Variants in CDH13 observed in about 807,000 individuals in gnomAD.
CDH13 encodes the protein cadherin-13.
A neutral mutation model predicts 63.8 loss-of-function variants in CDH13; 24 were observed. The ratio of observed to expected loss-of-function variants is 0.38; its 90% CI spans 0.27 to 0.53. The LOEUF (loss-of-function observed/expected upper bound fraction) is 0.53, where lower values mean the gene tolerates loss of function less well. Among genes scored for constraint, CDH13 ranks in the 20% least tolerant of loss-of-function variants. CDH13 has a pLI of 0.85. For missense variants in CDH13, 1,049 were observed against 903.1 expected, an observed-to-expected ratio of 1.16 and a Z score of -2.07; for synonymous variants, 503 against 355.3, an observed-to-expected ratio of 1.42 and a Z score of -4.67.
intron 4 of CDH13, among the ~76,000 whole-genome samples, chr16:83,214,107 C>T (rs1281826916): frequency 2.0e-5 from 3 of 152,078 alleles, no homozygotes; most frequent in Admixed American, 1.3e-4. Flanking sequence ...TCCCCTTCCA[C>T]ACCGTGGAAG....
intron 3 of CDH13, among the ~76,000 whole-genome samples, chr16:83,096,581 T>G (rs1378854090): frequency 6.6e-6 from 1 of 152,224 alleles, no homozygotes; most frequent in Middle Eastern, 3.2e-3. Flanking sequence ...GGACTGAGTA[T>G]CTCTGCTGAA....
intron 2 of CDH13, among the ~76,000 whole-genome samples, chr16:82,929,848 A>G (rs2042428942): frequency 6.6e-6 from 1 of 151,578 alleles, no homozygotes; most frequent in South Asian, 2.1e-4. Flanking sequence ...GAGACCAAGA[A>G]ACATACCTGT....
intron 10 of CDH13, among the ~76,000 whole-genome samples, chr16:83,737,277 A>G (rs1387692113): frequency 1.3e-5 from 2 of 152,218 alleles, no homozygotes; most frequent in Admixed American, 6.5e-5. Flanking sequence ...TGATATCTAC[A>G]TCACAACTGA....
At chr16:83,444,288 G>C (rs1371976063) in intron 6 of CDH13, among the ~76,000 whole-genome samples, 4 of 152,138 alleles carry the variant, frequency 2.6e-5, no homozygotes, top group African/African-American at 7.2e-5. Context: ...CTAGGTAACA[G>C]ATATGTTAAG....
intron 2 of CDH13, among the ~76,000 whole-genome samples, chr16:82,875,081 C>G (rs2040461115): frequency 6.6e-6 from 1 of 152,160 alleles, no homozygotes; most frequent in Admixed American, 6.5e-5. Flanking sequence ...GATTATGCTT[C>G]CAAGGTTTTG....
At chr16:83,036,524 C>T (rs1170728095) in intron 3 of CDH13, among the ~76,000 whole-genome samples, 2 of 152,088 alleles carry the variant, frequency 1.3e-5, no homozygotes, top group African/African-American at 4.8e-5. Context: ...AATGTTCACT[C>T]CCACAAATGC....
At chr16:83,298,462 A>C (rs1384776727) in intron 5 of CDH13, among the ~76,000 whole-genome samples, 2 of 152,136 alleles carry the variant, frequency 1.3e-5, no homozygotes, top group African/African-American at 4.8e-5. Flanking sequence ...CCTAGGCCCT[A>C]CCTCAAGCCT....
intron 3 of CDH13, among the ~76,000 whole-genome samples, chr16:83,093,980 T>C (rs1212023251): frequency 2.6e-5 from 4 of 152,174 alleles, no homozygotes; most frequent in African/African-American, 9.7e-5. Flanking sequence ...AAATGTTTCA[T>C]AGAAAAGGTG....
At chr16:83,377,029 C>A (rs1332686938) in intron 6 of CDH13, among the ~76,000 whole-genome samples, 1 of 152,050 alleles carries the variant, frequency 6.6e-6, no homozygotes, top group Non-Finnish European at 1.5e-5. Context: ...AGGAGTGAAG[C>A]ACTATTCATG....
intron 6 of CDH13, among the ~76,000 whole-genome samples, chr16:83,363,987 C>T (rs1350557735): frequency 6.6e-6 from 1 of 152,118 alleles, no homozygotes; most frequent in Non-Finnish European, 1.5e-5. Flanking sequence ...GACATTAATA[C>T]TTCTTGAATC....
At chr16:83,489,412 G>A (rs534224471) in intron 7 of CDH13, among the ~76,000 whole-genome samples, 209 of 152,274 alleles carry the variant, frequency 1.4e-3, no homozygotes, top group African/African-American at 4.8e-3. Flanking sequence ...TCACTCTTCT[G>A]TGAGGGTTTC....
intron 3 of CDH13, among the ~76,000 whole-genome samples, chr16:83,121,797 T>C (rs2035589190): frequency 6.6e-6 from 1 of 152,244 alleles, no homozygotes; most frequent in South Asian, 2.1e-4. Flanking sequence ...TGTGCATTCA[T>C]AAAGCTCTCG....
chr16:83,194,924 C>T lies in CDH13; in HGVS notation c.484-22421C>T, dbSNP rs145846592. Among the ~76,000 whole-genome samples the T allele has an allele frequency of 5.3e-5, 8 of 152,270 alleles. No homozygotes were observed. In the East Asian group the frequency reaches 1.5e-3, roughly 29 times the overall value. ...ATTGATGTGCATTCTCCTGCTTTGA[C>T]ATACAAACCCATAACACCATGAAAT... On this transcript the variant is annotated intron_variant, in intron 4 of 13. Transcript: ENST00000567109.
chr16:83,534,244 T>C (rs1392394562), intron 7 of CDH13, among the ~76,000 whole-genome samples: 2 of 152,318 alleles, frequency 1.3e-5, no homozygotes, highest in East Asian at 3.9e-4. Flanking sequence ...AGGTGGTCTG[T>C]TCATGGTGGT....
chr16:83,379,938 TAGAGAG>T lies in CDH13; in HGVS notation c.781+34956_781+34961del, dbSNP rs71148831. ...GTGTGTGTATATATATATATATATA[TAGAGAG>T]AGAGAGAGAGAGAGAGAGAGAGACT... On this transcript the variant is annotated intron_variant, in intron 6 of 13. Transcript: ENST00000567109. Among the ~76,000 whole-genome samples the T allele has an allele frequency of 8.5e-4, 105 of 123,462 alleles. No homozygotes were observed. The East Asian group carries it at 0.019, about 22-fold the overall frequency. The allele number at this position is 123,462 out of a possible 152,430, so 81.0% of individuals were successfully genotyped here. A position where few individuals can be genotyped will look rare whatever the true frequency, so the allele number is the denominator to read the frequency against.
chr16:83,253,284 G>A (rs1905808258), intron 5 of CDH13, among the ~76,000 whole-genome samples: 1 of 152,204 alleles, frequency 6.6e-6, no homozygotes, highest in Admixed American at 6.5e-5. Context: ...CTCTGGTGCT[G>A]CTAGGGCGGG....
At chr16:83,511,354 C>G (rs931042092) in intron 7 of CDH13, among the ~76,000 whole-genome samples, 1 of 151,696 alleles carries the variant, frequency 6.6e-6, no homozygotes, top group African/African-American at 2.4e-5. Flanking sequence ...CCCATCTACT[C>G]GGGAGGCTGA....
intron 3 of CDH13, among the ~76,000 whole-genome samples, chr16:83,064,018 T>A (rs2151528660): frequency 6.6e-6 from 1 of 152,292 alleles, no homozygotes; most frequent in East Asian, 1.9e-4. Context: ...AAAAGTCAGA[T>A]GAGTGTATGA....
At chr16:83,344,261 G>C (rs1242621339) in intron 5 of CDH13, among the ~76,000 whole-genome samples, 1 of 152,160 alleles carries the variant, frequency 6.6e-6, no homozygotes, top group African/African-American at 2.4e-5. Flanking sequence ...TCTTCATTGA[G>C]ATCTGAAAGT....
Sources: allele counts gnomAD v4.1 joint callset (sites outside exome capture counted in the v4.1 genomes callset), GRCh38; gene constraint gnomAD v4.1.1; transcripts MANE v1.5; gene names NCBI Gene and HGNC (gene_info 2026-07-23, HGNC 2026-07-21).